Variants in CRB1 observed in about 807,000 individuals in gnomAD.
CRB1 encodes the protein protein crumbs homolog 1.
In CRB1, 83 loss-of-function variants were observed where a neutral mutation model predicts 120.0. The ratio of observed to expected loss-of-function variants is 0.69; its 90% CI spans 0.58 to 0.83. The LOEUF is 0.83. CRB1 is among the 40% of genes least tolerant of loss of function. The pLI, the probability that CRB1 is intolerant of heterozygous loss-of-function variation, is 0.00. For synonymous variants in CRB1, 625 were observed against 612.5 expected, an observed-to-expected ratio of 1.02 and a Z score of -0.30; for missense variants, 1,699 against 1,687.6, an observed-to-expected ratio of 1.01 and a Z score of -0.12.
intron 11 of CRB1, among the ~76,000 whole-genome samples, chr1:197,476,199 C>T (rs750594904): frequency 1.1e-4 from 17 of 152,136 alleles, no homozygotes; most frequent in East Asian, 5.8e-4. Context: ...TATGAGCCAC[C>T]GAGATTGTCT....
chr1:197,268,206 T>C, upstream of CRB1: 1 of 538,408 alleles, frequency 1.9e-6, no homozygotes. Context: ...CACCCCATCC[T>C]CCCGTGTAAG....
intron 5 of CRB1, among the ~76,000 whole-genome samples, chr1:197,405,312 G>C (rs1441437589): frequency 6.6e-6 from 1 of 152,144 alleles, no homozygotes; most frequent in South Asian, 2.1e-4. Context: ...TCCTAACCGC[G>C]AGTGATCCGC....
intron 2 of CRB1, among the ~76,000 whole-genome samples, chr1:197,331,862 T>A (rs1181742126): frequency 6.6e-6 from 1 of 152,128 alleles, no homozygotes; most frequent in Non-Finnish European, 1.5e-5. Context: ...CTTTCAGTCG[T>A]CTAAATTTAG....
chr1:197,409,939 A>G lies in CRB1; in HGVS notation c.1172-11061A>G, dbSNP rs1290446558. Among the ~76,000 whole-genome samples the G allele has an allele frequency of 2.0e-5, 3 of 152,082 alleles. No homozygotes were observed. In the East Asian group the frequency reaches 5.8e-4, roughly 29 times the overall value. On this transcript the variant is annotated intron_variant, in intron 5 of 11. Transcript: ENST00000367400. ...GCTGGGATTACAGGCGCCCGCCACC[A>G]TGCCCGGCTACTTTTTTTGTATTTT...
At chr1:197,216,596 C>T in the CRB1 span, among the ~76,000 whole-genome samples, 1 of 152,020 alleles carries the variant, frequency 6.6e-6, no homozygotes, top group Non-Finnish European at 1.5e-5. Context: ...TGATATTTAC[C>T]TTCACTAAAA....
chr1:197,318,800 G>C (rs977135566), intron 1 of CRB1, among the ~76,000 whole-genome samples: 1 of 152,192 alleles, frequency 6.6e-6, no homozygotes, highest in Admixed American at 6.5e-5. Flanking sequence ...TCTTGTGGAA[G>C]TAGACAGTGG....
chr1:197,352,911 G>C (rs904490818), intron 4 of CRB1, among the ~76,000 whole-genome samples: 2 of 151,826 alleles, frequency 1.3e-5, no homozygotes, highest in Non-Finnish European at 2.9e-5. Context: ...TCAATTCCCT[G>C]GTTTATGTGC....
chr1:197,312,671 T>C (rs868442243), intron 1 of CRB1, among the ~76,000 whole-genome samples: 1 of 152,174 alleles, frequency 6.6e-6, no homozygotes, highest in Non-Finnish European at 1.5e-5. Flanking sequence ...ATGACAATTA[T>C]CTATTCAAAT....
At chr1:197,301,762 G>A (rs958178346) in intron 1 of CRB1, among the ~76,000 whole-genome samples, 1 of 152,094 alleles carries the variant, frequency 6.6e-6, no homozygotes, top group Non-Finnish European at 1.5e-5. Flanking sequence ...CACCTCAATG[G>A]AGGAAGTAAC....
the CRB1 span, among the ~76,000 whole-genome samples, chr1:197,254,666 A>G: frequency 6.6e-6 from 1 of 152,126 alleles, no homozygotes; most frequent in Non-Finnish European, 1.5e-5. Context: ...TCAGTTTTTT[A>G]AAGAACACCT....
chr1:197,272,566 A>G (rs1173015118), intron 1 of CRB1, among the ~76,000 whole-genome samples: 2 of 152,158 alleles, frequency 1.3e-5, no homozygotes, highest in Non-Finnish European at 2.9e-5. Flanking sequence ...AAACCGTGCT[A>G]CATCTATATA....
At chr1:197,304,381 T>C in intron 1 of CRB1, 1 of 982,076 alleles carries the variant, frequency 1.0e-6, no homozygotes. Context: ...GGAGGACACA[T>C]CTATGACTAG....
intron 1 of CRB1, among the ~76,000 whole-genome samples, chr1:197,324,068 G>A (rs891963657): frequency 3.9e-5 from 6 of 152,090 alleles, no homozygotes; most frequent in Admixed American, 2.0e-4. Flanking sequence ...AGTAGAATAG[G>A]GATATTAAGA....
chr1:197,438,676 G>A lies in CRB1; in HGVS notation c.3878+1G>A, dbSNP rs748927280. The A allele has an allele frequency of 1.2e-6, 2 of 1,611,748 alleles. No individual in the cohort carries two copies. The highest frequency in any genetic ancestry group is 1.7e-6 in the Non-Finnish European group (2 of 1,178,234). On this transcript the variant is annotated splice_donor_variant, in intron 10 of 11. Coordinates refer to ENST00000367400, the MANE Select transcript of CRB1 (RefSeq NM_201253.3). LOFTEE classifies it high-confidence loss of function. ...GCCGGCCAGGTTTTACTGGAGAATG[G>A]TGAGTCACATTAGAGCCTTCTGGAA...
chr1:197,418,004 A>G (rs1325491639), intron 5 of CRB1, among the ~76,000 whole-genome samples: 3 of 151,848 alleles, frequency 2.0e-5, no homozygotes, highest in African/African-American at 7.3e-5. Flanking sequence ...TCGTGACACT[A>G]CTATCTAATA....
intron 1 of CRB1, among the ~76,000 whole-genome samples, chr1:197,284,461 G>A (rs1388044591): frequency 1.3e-5 from 2 of 151,926 alleles, no homozygotes; most frequent in Non-Finnish European, 2.9e-5. Context: ...TCAGGTTTAT[G>A]TGATTAGCCC....
chr1:197,470,491 A>G (rs1666935633), intron 11 of CRB1, among the ~76,000 whole-genome samples: 1 of 152,236 alleles, frequency 6.6e-6, no homozygotes, highest in South Asian at 2.1e-4. Context: ...CAATAAATTT[A>G]CAAAGCATAA....
chr1:197,409,244 A>G (rs1663574077), intron 5 of CRB1, among the ~76,000 whole-genome samples: 1 of 152,222 alleles, frequency 6.6e-6, no homozygotes, highest in Non-Finnish European at 1.5e-5. Flanking sequence ...ATCTTAATAT[A>G]CAAAATAAGT....
intron 5 of CRB1, among the ~76,000 whole-genome samples, chr1:197,363,569 A>AT (rs1192108673): frequency 5.3e-5 from 8 of 152,158 alleles, no homozygotes; most frequent in African/African-American, 1.9e-4. Context: ...ATCTGCTATC[A>AT]TTGTAAAGTG....
Sources: allele counts gnomAD v4.1 joint callset (sites outside exome capture counted in the v4.1 genomes callset), GRCh38; gene constraint gnomAD v4.1.1; transcripts MANE v1.5; gene names NCBI Gene and HGNC (gene_info 2026-07-23, HGNC 2026-07-21).